KCNMA1: variants seen among roughly 807,000 people sequenced by gnomAD.
KCNMA1 encodes the protein potassium calcium-activated channel subfamily M alpha 1.
A neutral mutation model predicts 140.0 loss-of-function variants in KCNMA1; 29 were observed. That is an observed-to-expected ratio of 0.21 (90% CI 0.15 to 0.28). KCNMA1 has a LOEUF of 0.28. Ranked by LOEUF, KCNMA1 falls within the 10% of genes least tolerant of loss-of-function variation. KCNMA1 has a pLI of 1.00. For synonymous variants in KCNMA1, 612 were observed against 611.9 expected (o/e 1.00, Z 0.00); for missense variants, 880 against 1,602.2 (o/e 0.55, Z 7.70).
At chr10:76,936,250 C>A (rs2060524686) in intron 23 of KCNMA1, among the ~76,000 whole-genome samples, 1 of 152,100 alleles carries the variant, frequency 6.6e-6, no homozygotes, top group South Asian at 2.1e-4. Flanking sequence ...GAGCCCTAAG[C>A]CAGATTTTCT....
At chr10:77,589,849 T>A (rs2078468963) in intron 1 of KCNMA1, among the ~76,000 whole-genome samples, 1 of 152,058 alleles carries the variant, frequency 6.6e-6, no homozygotes, top group Non-Finnish European at 1.5e-5. Context: ...GCTTCCACAG[T>A]GTGGAAGGGG....
chr10:77,280,318 T>C (rs539772324), intron 2 of KCNMA1, among the ~76,000 whole-genome samples: 1 of 152,328 alleles, frequency 6.6e-6, no homozygotes, highest in African/African-American at 2.4e-5. Context: ...GAAGTTATTT[T>C]ATAATTCTGT....
chr10:76,920,020 G>GTATGTATATATATATATATA (rs2054872016), intron 23 of KCNMA1, among the ~76,000 whole-genome samples: 1 of 34,408 alleles, frequency 2.9e-5, no homozygotes. Context: ...GTGTGTGTGT[G>GTATGTATATATATATATATA]TATATATATA....
intron 1 of KCNMA1, among the ~76,000 whole-genome samples, chr10:77,427,707 G>GCATC (rs759150899): frequency 5.3e-4 from 41 of 77,354 alleles, no homozygotes; most frequent in African/African-American, 1.3e-3. Flanking sequence ...CCAATCCTGA[G>GCATC]CATCCATCCA....
intron 5 of KCNMA1, among the ~76,000 whole-genome samples, chr10:77,175,859 T>G (rs780636199): frequency 2.0e-5 from 3 of 152,144 alleles, no homozygotes; most frequent in African/African-American, 7.2e-5. Context: ...GCTGTGCATA[T>G]GGGGATGCCA....
intron 2 of KCNMA1, among the ~76,000 whole-genome samples, chr10:77,286,530 G>T (rs2070909638): frequency 6.6e-6 from 1 of 152,154 alleles, no homozygotes; most frequent in Non-Finnish European, 1.5e-5. Flanking sequence ...TTCCATTGTA[G>T]TTTATGGAGT....
At chr10:76,971,407 G>A (rs1461748159) in intron 19 of KCNMA1, among the ~76,000 whole-genome samples, 1 of 152,138 alleles carries the variant, frequency 6.6e-6, no homozygotes, top group African/African-American at 2.4e-5. Flanking sequence ...AATAAATTTA[G>A]TAGGTTATGA....
At position 77,068,852 on chromosome 10, in the gene KCNMA1, AACAC is replaced by A. The variant is rs147592319; in HGVS notation, c.1749+4241_1749+4244del. On this transcript the variant is annotated intron_variant, in intron 14 of 27. Transcript: ENST00000286628. ...AATTTTAAGAGTTAATCACCCTCTAAACACACACACACACACACACACACACACA... is the reference window on the plus strand; with the variant it reads ...AATTTTAAGAGTTAATCACCCTCTAAACACACACACACACACACACACACA... Among the ~76,000 whole-genome samples the A allele has an allele frequency of 8.0e-3, 1,066 of 133,758 alleles. 12 individuals carry two copies. Among genetic ancestry groups the A allele is most frequent in the African/African-American group, 0.02 (710 of 34,664 alleles). The allele number at this position is 133,758 out of a possible 152,430, so 87.8% of individuals were successfully genotyped here. A position where few individuals can be genotyped will look rare whatever the true frequency, so the allele number is the denominator to read the frequency against.
intron 5 of KCNMA1, among the ~76,000 whole-genome samples, chr10:77,152,882 C>T (rs367657629): frequency 1.3e-5 from 2 of 152,114 alleles, no homozygotes; most frequent in African/African-American, 4.8e-5. Flanking sequence ...AATGAAGCGG[C>T]GGATGGAAAG....
intron 1 of KCNMA1, among the ~76,000 whole-genome samples, chr10:77,490,109 C>T (rs2098513844): frequency 6.6e-6 from 1 of 152,206 alleles, no homozygotes; most frequent in Non-Finnish European, 1.5e-5. Flanking sequence ...TTGCCAATGT[C>T]TCATGGGAGG....
At chr10:77,061,150 A>G (rs1404201892) in intron 14 of KCNMA1, among the ~76,000 whole-genome samples, 1 of 152,200 alleles carries the variant, frequency 6.6e-6, no homozygotes, top group Non-Finnish European at 1.5e-5. Flanking sequence ...ATGGTAACTC[A>G]ATGTTTAACC....
intron 1 of KCNMA1, among the ~76,000 whole-genome samples, chr10:77,612,202 G>A (rs535650521): frequency 7.2e-5 from 11 of 152,276 alleles, no homozygotes; most frequent in South Asian, 2.1e-4. Context: ...CACATTTCAC[G>A]GACATGGCCA....
chr10:77,472,403 GACACAT>G (rs1393452885), intron 1 of KCNMA1, among the ~76,000 whole-genome samples: 2 of 107,576 alleles, frequency 1.9e-5, no homozygotes, highest in Non-Finnish European at 3.9e-5. Flanking sequence ...CACAGACACA[GACACAT>G]ACACATAGCA....
At chr10:77,583,099 A>T (rs1031629760) in intron 1 of KCNMA1, among the ~76,000 whole-genome samples, 1 of 152,204 alleles carries the variant, frequency 6.6e-6, no homozygotes, top group African/African-American at 2.4e-5. Flanking sequence ...TACCTCTGTG[A>T]CAGGCTCATC....
intron 14 of KCNMA1, among the ~76,000 whole-genome samples, chr10:77,059,109 G>A (rs2095646977): frequency 6.6e-6 from 1 of 151,758 alleles, no homozygotes; most frequent in African/African-American, 2.4e-5. Context: ...AGATAAATTA[G>A]ACCAATTTTT....
chr10:76,958,134 T>C (rs1907740), intron 20 of KCNMA1, among the ~76,000 whole-genome samples: 1 of 151,874 alleles, frequency 6.6e-6, no homozygotes, highest in Admixed American at 6.5e-5. Context: ...CCAGAGGAAT[T>C]GGGCCGTTTG....
chr10:77,267,577 A>G (rs537115618), intron 2 of KCNMA1, among the ~76,000 whole-genome samples: 1 of 152,322 alleles, frequency 6.6e-6, no homozygotes, highest in South Asian at 2.1e-4. Flanking sequence ...CCAAGGCAGG[A>G]AGATTTTTCT....
intron 20 of KCNMA1, among the ~76,000 whole-genome samples, chr10:76,954,859 T>C (rs1455079332): frequency 6.6e-6 from 1 of 152,220 alleles, no homozygotes; most frequent in African/African-American, 2.4e-5. Flanking sequence ...CTGACAACCT[T>C]AAGAACTGCA....
intron 1 of KCNMA1, among the ~76,000 whole-genome samples, chr10:77,554,670 T>C (rs1203043946): frequency 6.7e-6 from 1 of 150,330 alleles, no homozygotes; most frequent in Non-Finnish European, 1.5e-5. Context: ...CTTTTGAAAT[T>C]TGGAAATGAG....
Sources: gnomAD v4.1 joint callset for allele counts (sites outside exome capture counted in the v4.1 genomes callset) on GRCh38, gnomAD v4.1.1 for gene constraint, MANE v1.5 for transcripts, NCBI Gene and HGNC (gene_info 2026-07-23, HGNC 2026-07-21) for gene names.